MYCBPAP: variants seen among roughly 807,000 people sequenced by gnomAD.
MYCBPAP encodes the protein MYCBP-associated protein.
MYCBPAP carries 60 observed loss-of-function variants against 106.1 expected under a neutral mutation model. The ratio of observed to expected loss-of-function variants is 0.57; its 90% CI spans 0.46 to 0.70. The LOEUF (loss-of-function observed/expected upper bound fraction) is 0.70, where lower values mean the gene tolerates loss of function less well. MYCBPAP is among the 30% of genes least tolerant of loss of function. MYCBPAP has a pLI of 0.00. For missense variants in MYCBPAP, 1,064 were observed against 1,169.3 expected (o/e 0.91, Z 1.31); for synonymous variants, 407 against 440.6 (o/e 0.92, Z 0.95).
intron 4 of MYCBPAP, among the ~76,000 whole-genome samples, 190 bp downstream of exon 4, chr17:50,517,888 C>G (rs149856745): frequency 0.011 from 1,715 of 152,318 alleles, 29 homozygotes; most frequent in African/African-American, 0.039. Flanking sequence ...TCAGTGAAGT[C>G]AGGGATTTAC....
intron 15 of MYCBPAP, 74 bp downstream of exon 15, chr17:50,527,482 C>T (rs2034499682): frequency 4.4e-6 from 7 of 1,579,678 alleles, no homozygotes; most frequent in South Asian, 2.3e-5. Context: ...GGCAGGCAGT[C>T]CTGGGACTCC....
Position 50,525,940 on chromosome 17 carries a change from C to T in MYCBPAP, c.1842C>T (p.Thr614=). The T allele has an allele frequency of 1.9e-6, 3 of 1,613,594 alleles. No homozygotes were observed. Among genetic ancestry groups the T allele is most frequent in the Non-Finnish European group, 2.5e-6 (3 of 1,179,998 alleles). The change falls in exon 14 of 19, where the codon ACC becomes ACT. Residue 614 remains threonine, a synonymous_variant. Coordinates refer to ENST00000323776, the MANE Select transcript of MYCBPAP (RefSeq NM_032133.6). ...SLHQLWRQYM[T]LPAKAEEARP... The stretch of plus-strand genomic sequence containing the variant: ...ACCAACTGTGGCGCCAGTACATGAC[C>T]CTGCCCGCCAAGGCTGAGGAGGCCA...
chr17:50,526,493 C>A (rs927081593), intron 14 of MYCBPAP, among the ~76,000 whole-genome samples: 1 of 152,116 alleles, frequency 6.6e-6, no homozygotes, highest in Non-Finnish European at 1.5e-5. Flanking sequence ...AGCACAATCT[C>A]GGCTCACTGC....
intron 1 of MYCBPAP, chr17:50,510,499 G>GTGTATATATATATATA (rs1418345705): frequency 1.3e-5 from 1 of 76,414 alleles, no homozygotes; most frequent in Non-Finnish European, 2.6e-5. Flanking sequence ...GTGTGTGTGT[G>GTGTATATATATATATA]TATATATATA....
In MYCBPAP at chr17:50,529,137, A is replaced by T; in HGVS notation, c.2673A>T (p.Glu891Asp). Reference sequence around the variant, plus strand: ...CTGACATCATCCTCTCTTCTCAAGAACCCATAGACCCCCTGGTCATGGGGA... The same window carrying T: ...CTGACATCATCCTCTCTTCTCAAGATCCCATAGACCCCCTGGTCATGGGGA... ...PTPDIILSSQ[E>D]PIDPLVMGKY... Residue 891 changes from glutamate (E) to aspartate (D), a missense_variant, in exon 18 of 19, where the codon GAA (glutamate) becomes GAT (aspartate). Glu to Asp is a conservative substitution (Grantham distance 45). Coordinates refer to ENST00000323776, the MANE Select transcript of MYCBPAP (RefSeq NM_032133.6). The T allele has an allele frequency of 6.2e-7, 1 of 1,613,744 alleles. No homozygotes were observed. Among genetic ancestry groups the T allele is most frequent in the South Asian group, 1.1e-5 (1 of 91,050 alleles).
At chr17:50,516,512 T>A in intron 1 of MYCBPAP, 58 bp from the exon 2 acceptor site, 1 of 1,571,918 alleles carries the variant, frequency 6.4e-7, no homozygotes, top group Admixed American at 1.9e-5. Context: ...TGTATGTATA[T>A]ATTGATATAT....
At chr17:50,518,434 C>G in intron 4 of MYCBPAP, 107 bp from the exon 5 acceptor site, 2 of 967,288 alleles carry the variant, frequency 2.1e-6, no homozygotes, top group Non-Finnish European at 3.0e-6. Flanking sequence ...AGGAGGGACT[C>G]TCAGCGCAGT....
intron 6 of MYCBPAP, 102 bp from the exon 7 acceptor site, chr17:50,519,538 G>C: frequency 1.5e-6 from 2 of 1,366,978 alleles, no homozygotes; most frequent in Non-Finnish European, 2.0e-6. Flanking sequence ...TTCCCCAGAG[G>C]AAGCATCTGT....
chr17:50,523,861 G>A (rs1359161592), intron 12 of MYCBPAP, 77 bp downstream of exon 12: 1 of 1,392,568 alleles, frequency 7.2e-7, no homozygotes. Flanking sequence ...TGACTGAAGG[G>A]ATCATATTTC....
chr17:50,525,970 AG>A lies in MYCBPAP; in HGVS notation c.1876del (p.Asp626ThrfsTer8), dbSNP rs2034443620. On this transcript the variant is annotated frameshift_variant, in exon 14 of 19. Transcript: ENST00000323776. LOFTEE classifies it high-confidence loss of function. ...LPAKAEEARP[G>X]DKEHVSPIAT... Reference sequence around the variant, plus strand: ...CCGCCAAGGCTGAGGAGGCCAGGCCAGGGGACAAGGAGCACGTCAGCCCCAT... The same window carrying A: ...CCGCCAAGGCTGAGGAGGCCAGGCCAGGGACAAGGAGCACGTCAGCCCCAT... The A allele has an allele frequency of 6.2e-7, 1 of 1,613,720 alleles. No homozygotes were observed. The highest frequency in any genetic ancestry group is 1.3e-5 in the African/African-American group (1 of 74,916).
upstream of MYCBPAP, chr17:50,508,169 G>A (rs180902198): frequency 6.1e-4 from 128 of 208,716 alleles, no homozygotes; most frequent in African/African-American, 2.9e-3. Flanking sequence ...TGTGAGGGGG[G>A]CAGAGGGAGG....
At chr17:50,528,335 A>G in intron 16 of MYCBPAP, 65 bp downstream of exon 16, 1 of 1,351,528 alleles carries the variant, frequency 7.4e-7, no homozygotes, top group South Asian at 1.2e-5. Context: ...ATGGACAAGC[A>G]GCAGTGCCTG....
chr17:50,521,383 C>T lies in MYCBPAP; in HGVS notation c.1100C>T (p.Thr367Ile), dbSNP rs1226130103. ...PFSAVTVEDY[T>I]VFERSQGSSS... ...TCGGCTGTTACTGTGGAAGACTACA[C>T]AGTGTTTGAAAGAAGTCAGGGAAGC... is the stretch of plus-strand genomic sequence containing the variant. Residue 367 changes from threonine (T) to isoleucine (I), a missense_variant, in exon 9 of 19, where the codon ACA (threonine) becomes ATA (isoleucine). Physicochemically the swap from Thr to Ile is moderately conservative, Grantham distance 89. Coordinates refer to ENST00000323776, the MANE Select transcript of MYCBPAP (RefSeq NM_032133.6). The T allele has an allele frequency of 6.2e-7, 1 of 1,604,938 alleles. No homozygotes were observed. Among genetic ancestry groups the T allele is most frequent in the East Asian group, 2.2e-5 (1 of 44,666 alleles).
intron 9 of MYCBPAP, 55 bp downstream of exon 9, chr17:50,521,486 C>A: frequency 7.5e-7 from 1 of 1,340,076 alleles, no homozygotes; most frequent in South Asian, 1.3e-5. Context: ...CAGCACCTAC[C>A]AGTATTAAAG....
Position 50,510,692 on chromosome 17 carries a change from AT to A in MYCBPAP, c.76+1962del, listed in dbSNP as rs56894700. On this transcript the variant is annotated intron_variant, in intron 1 of 18. Coordinates refer to ENST00000323776, the MANE Select transcript of MYCBPAP (RefSeq NM_032133.6). ...AGGTGCACACCACCATGCCTGGCAA[AT>A]TTTTTTTTTTTTTTTTTTTGTAGAG... Among the ~76,000 whole-genome samples, 146 of 111,158 alleles carry A rather than the reference AT, an allele frequency of 1.3e-3. 1 individual carries two copies. The highest frequency in any genetic ancestry group is 0.01 in the Admixed American group (100 of 9,888). The allele number at this position is 111,158 out of a possible 152,430, so 72.9% of individuals were successfully genotyped here. A position where few individuals can be genotyped will look rare whatever the true frequency, so the allele number is the denominator to read the frequency against.
chr17:50,531,477 A>G lies in MYCBPAP; in HGVS notation c.*49A>G, dbSNP rs759421802. On this transcript the variant is annotated 3_prime_UTR_variant, in exon 19 of 19. Coordinates refer to ENST00000323776, the MANE Select transcript of MYCBPAP (RefSeq NM_032133.6). ...GGAAAACGGGTTAATAAATAAATCAATAAAGAACCTTCAAGTTTCTACTAC... is the reference window on the plus strand; with the variant it reads ...GGAAAACGGGTTAATAAATAAATCAGTAAAGAACCTTCAAGTTTCTACTAC... 16 of 1,411,834 alleles carry G rather than the reference A, an allele frequency of 1.1e-5. No individual in the cohort carries two copies. The highest frequency in any genetic ancestry group is 2.4e-5 in the East Asian group (1 of 41,670). The allele number at this position is 1,411,834 out of a possible 1,614,324, so 87.5% of individuals were successfully genotyped here. A position where few individuals can be genotyped will look rare whatever the true frequency, so the allele number is the denominator to read the frequency against.
chr17:50,515,206 G>A (rs1335900764), intron 1 of MYCBPAP, among the ~76,000 whole-genome samples: 1 of 131,596 alleles, frequency 7.6e-6, no homozygotes, highest in Admixed American at 7.1e-5. Context: ...AGCCCTCCCT[G>A]ACTCCCCCAC....
Position 50,510,493 on chromosome 17 carries a change from G to A in MYCBPAP, c.76+1743G>A, listed in dbSNP as rs61237950. 4.1e-3 allele frequency: 408 copies of A among 99,004 alleles called. 7 individuals are homozygous for A. The highest frequency in any genetic ancestry group is 0.017 in the African/African-American group (363 of 20,778). 6.1% of individuals were successfully genotyped at this position (99,004 alleles called of 1,614,324 possible). On this transcript the variant is annotated intron_variant, in intron 1 of 18. Coordinates refer to ENST00000323776, the MANE Select transcript of MYCBPAP (RefSeq NM_032133.6). ...TATATATGTGTGTGTGTGTGTGTGTGTGTGTGTATATATATATATATATAT... is the reference window on the plus strand; with the variant it reads ...TATATATGTGTGTGTGTGTGTGTGTATGTGTGTATATATATATATATATAT...
In MYCBPAP at chr17:50,524,737, T is replaced by TGA. The variant is rs3840067; in HGVS notation, c.1636-119_1636-118dup. ...GTGTGTGTGTGTGTGTGTGTGTGTG[T>TGA]GAGAGAGAGAGAGAGAGAGAGACAA... On this transcript the variant is annotated intron_variant, in intron 12 of 18. Transcript: ENST00000323776. 2.1e-3 allele frequency: 985 copies of TGA among 461,838 alleles called. 2 individuals carry two copies. Among genetic ancestry groups the TGA allele is most frequent in the Admixed American group, 2.6e-3 (74 of 27,956 alleles). 28.6% of individuals were successfully genotyped at this position (461,838 alleles called of 1,614,324 possible).
Sources: allele counts gnomAD v4.1 joint callset (sites outside exome capture counted in the v4.1 genomes callset), GRCh38; gene constraint gnomAD v4.1.1; transcripts MANE v1.5; gene names NCBI Gene and HGNC (gene_info 2026-07-23, HGNC 2026-07-21).